The following LIMCH1 variants were observed in gnomAD, a reference collection of about 807,000 sequenced individuals.
LIMCH1 encodes the protein LIM and calponin homology domains 1.
In LIMCH1, 113 loss-of-function variants were observed where a neutral mutation model predicts 176.5. That is an observed-to-expected ratio of 0.64 (90% CI 0.55 to 0.75). The LOEUF is 0.75. Among genes scored for constraint, LIMCH1 ranks in the 30% least tolerant of loss-of-function variants. LIMCH1 has a pLI of 0.00. For missense variants in LIMCH1, 1,674 were observed against 1,814.9 expected, an observed-to-expected ratio of 0.92 and a Z score of 1.41; for synonymous variants, 619 against 645.9, an observed-to-expected ratio of 0.96 and a Z score of 0.63.
At chr4:41,672,420 G>A (rs996331731) in intron 22 of LIMCH1, among the ~76,000 whole-genome samples, 2 of 152,088 alleles carry the variant, frequency 1.3e-5, no homozygotes, top group Non-Finnish European at 2.9e-5. Flanking sequence ...TATTAAAACT[G>A]ACAATTTCTA....
At chr4:41,479,132 C>T (rs1040339139) in intron 1 of LIMCH1, among the ~76,000 whole-genome samples, 1 of 152,174 alleles carries the variant, frequency 6.6e-6, no homozygotes, top group Non-Finnish European at 1.5e-5. Flanking sequence ...ACACACATTC[C>T]ACTCTACTAT....
At chr4:41,465,745 A>C (rs541652615) in intron 1 of LIMCH1, among the ~76,000 whole-genome samples, 8 of 152,204 alleles carry the variant, frequency 5.3e-5, no homozygotes, top group Non-Finnish European at 1.2e-4. Context: ...AATTTTCTAT[A>C]CATGTAGAAA....
At chr4:41,565,876 A>G (rs2082699293) in intron 1 of LIMCH1, among the ~76,000 whole-genome samples, 1 of 152,172 alleles carries the variant, frequency 6.6e-6, no homozygotes, top group Non-Finnish European at 1.5e-5. Context: ...GATGCTGATA[A>G]TAACCACTAC....
At chr4:41,646,102 A>G (rs2094042595) in intron 15 of LIMCH1, 21 bp from the exon 16 acceptor site, 3 of 1,593,844 alleles carry the variant, frequency 1.9e-6, no homozygotes, top group South Asian at 2.3e-5. Flanking sequence ...GAAGAATATT[A>G]TATCTTTCTT....
chr4:41,525,516 C>T (rs1030424746), intron 3 of LIMCH1, among the ~76,000 whole-genome samples: 1 of 152,088 alleles, frequency 6.6e-6, no homozygotes, highest in Non-Finnish European at 1.5e-5. Context: ...ATGGTTTCAG[C>T]AAGTTGAATG....
chr4:41,375,602 A>C (rs2342561), intron 1 of LIMCH1, among the ~76,000 whole-genome samples: 37,256 of 152,150 alleles, frequency 0.24, 4,674 homozygotes, highest in Admixed American at 0.3. Flanking sequence ...TTGGAGCCTG[A>C]AGCCTAGAAA....
intron 1 of LIMCH1, among the ~76,000 whole-genome samples, chr4:41,469,864 T>C (rs2066697647): frequency 6.6e-6 from 1 of 151,960 alleles, no homozygotes; most frequent in Admixed American, 6.6e-5. Flanking sequence ...GTGTTTTTAG[T>C]AGAGACAGAG....
chr4:41,410,785 C>T (rs1265101115), intron 1 of LIMCH1, among the ~76,000 whole-genome samples: 1 of 152,196 alleles, frequency 6.6e-6, no homozygotes, highest in Non-Finnish European at 1.5e-5. Flanking sequence ...TTCTGGCTTT[C>T]CTCAAGCCCA....
intron 2 of LIMCH1, 36 bp downstream of exon 2, chr4:41,599,062 C>A: frequency 7.7e-7 from 1 of 1,291,280 alleles, no homozygotes; most frequent in Non-Finnish European, 1.1e-6. Flanking sequence ...AGGGAAACTC[C>A]TTTATAGTTT....
chr4:41,493,291 G>A (rs1398665754), intron 1 of LIMCH1, among the ~76,000 whole-genome samples: 2 of 151,660 alleles, frequency 1.3e-5, no homozygotes, highest in African/African-American at 4.8e-5. Context: ...TTTTTAAATT[G>A]TTAGTATTTT....
chr4:41,518,143 A>G (rs913591554), intron 2 of LIMCH1, among the ~76,000 whole-genome samples: 2 of 152,230 alleles, frequency 1.3e-5, no homozygotes, highest in Admixed American at 1.3e-4. Flanking sequence ...CTTATAGAGT[A>G]AGCTCAATCC....
At chr4:41,489,667 T>G (rs1310483256) in intron 1 of LIMCH1, among the ~76,000 whole-genome samples, 1 of 152,080 alleles carries the variant, frequency 6.6e-6, no homozygotes, top group Non-Finnish European at 1.5e-5. Context: ...AATTCTTTTT[T>G]TTATTTTTTT....
chr4:41,419,707 C>CCTTCCTCCTTCCTTT lies in LIMCH1; in HGVS notation c.96+58777_96+58778insCCTTCCTTTCTTCCT, dbSNP rs1361901848. Among the ~76,000 whole-genome samples the CCTTCCTCCTTCCTTT allele has an allele frequency of 7.1e-4, 95 of 132,876 alleles. 1 individual carries two copies. Among genetic ancestry groups the CCTTCCTCCTTCCTTT allele is most frequent in the Non-Finnish European group, 1.4e-3 (91 of 63,096 alleles). 87.2% of individuals were successfully genotyped at this position (132,876 alleles called of 152,430 possible). A position where few individuals can be genotyped will look rare whatever the true frequency, so the allele number is the denominator to read the frequency against. The stretch of plus-strand genomic sequence containing the variant: ...TCCTTCCTTCCTTCCTTCCTTCCTT[C>CCTTCCTCCTTCCTTT]CTTCCTTCCTTCCTCCTTCCTTTCT... On this transcript the variant is annotated intron_variant, in intron 1 of 26. Transcript: ENST00000313860.
chr4:41,360,403 G>C (rs924983724), upstream of LIMCH1, among the ~76,000 whole-genome samples: 33 of 152,064 alleles, frequency 2.2e-4, no homozygotes, highest in Non-Finnish European at 4.1e-4. The surrounding 1 kb of genome is among the most constrained non-coding windows in gnomAD (Gnocchi z 4.5). Context: ...TATGATGCCA[G>C]ACCCATCCGC....
At position 41,608,615 on chromosome 4, in the gene LIMCH1, A is replaced by G. The variant is rs1440257101; in HGVS notation, c.9+2611A>G. Among the ~76,000 whole-genome samples the G allele has an allele frequency of 3.3e-5, 5 of 152,324 alleles. No individual in the cohort carries two copies. The South Asian group carries it at 8.3e-4, about 25-fold the overall frequency. On this transcript the variant is annotated intron_variant, in intron 4 of 31. Coordinates refer to ENST00000503057, the MANE Select transcript of LIMCH1 (RefSeq NM_001330672.2). ...TCTATAGTAAAGGTGACCCAGGTAG[A>G]GCCCTTGGCATAAAGTCTGGCATGT...
chr4:41,497,372 T>A (rs1488005430), intron 2 of LIMCH1, among the ~76,000 whole-genome samples: 3 of 151,930 alleles, frequency 2.0e-5, no homozygotes. Context: ...CTTCTGGTCC[T>A]GGGGTCTGGT....
intron 1 of LIMCH1, among the ~76,000 whole-genome samples, chr4:41,365,035 C>A (rs2052759759): frequency 6.6e-6 from 1 of 152,222 alleles, no homozygotes; most frequent in Non-Finnish European, 1.5e-5. Flanking sequence ...TTCTTCTTTT[C>A]AGTGCCAAAC....
intron 1 of LIMCH1, among the ~76,000 whole-genome samples, chr4:41,384,285 A>T (rs2056160964): frequency 6.6e-6 from 1 of 151,584 alleles, no homozygotes; most frequent in South Asian, 2.1e-4. Context: ...GCTCACTACA[A>T]GCTCCGTCTC....
intron 1 of LIMCH1, among the ~76,000 whole-genome samples, chr4:41,568,231 C>T (rs2152573883): frequency 6.6e-6 from 1 of 152,292 alleles, no homozygotes; most frequent in African/African-American, 2.4e-5. Flanking sequence ...TCAATAGGAT[C>T]CAGTATTTAC....
Sources: allele counts gnomAD v4.1 joint callset (sites outside exome capture counted in the v4.1 genomes callset), GRCh38; gene constraint gnomAD v4.1.1; non-coding constraint Gnocchi (gnomAD v3.1); transcripts MANE v1.5; gene names NCBI Gene and HGNC (gene_info 2026-07-23, HGNC 2026-07-21).